Variants in HMGB1 observed in about 807,000 individuals in gnomAD.
HMGB1 encodes the protein high mobility group protein B1.
For missense variants in HMGB1, 79 were observed against 253.5 expected, an observed-to-expected ratio of 0.31 and a Z score of 4.67; for synonymous variants, 81 against 84.0, an observed-to-expected ratio of 0.96 and a Z score of 0.19.
chr13:30,501,909 T>A (rs552820031), intron 1 of HMGB1, among the ~76,000 whole-genome samples: 1 of 152,228 alleles, frequency 6.6e-6, no homozygotes, highest in Non-Finnish European at 1.5e-5. Flanking sequence ...CAACACCTCA[T>A]TTTCTCATAT....
chr13:30,468,380 G>A (rs906318939), upstream of HMGB1, among the ~76,000 whole-genome samples: 5 of 152,064 alleles, frequency 3.3e-5, no homozygotes, highest in African/African-American at 7.2e-5. Flanking sequence ...TCAGCCTCCC[G>A]AGTAGCTGGG....
chr13:30,535,628 G>A (rs768901630), intron 1 of HMGB1, among the ~76,000 whole-genome samples: 6 of 152,274 alleles, frequency 3.9e-5, no homozygotes, highest in East Asian at 1.9e-4. Flanking sequence ...AGGGACTCAC[G>A]CCTGTAATCC....
chr13:30,527,042 C>G (rs916135002), intron 1 of HMGB1, among the ~76,000 whole-genome samples: 2 of 152,218 alleles, frequency 1.3e-5, no homozygotes, highest in Non-Finnish European at 2.9e-5. Context: ...CCGGAGGGGC[C>G]GAGCCCGCCT....
chr13:30,463,709 A>G lies in HMGB1; in HGVS notation c.-14-15T>C, dbSNP rs1243839865. On this transcript the variant is annotated splice_polypyrimidine_tract_variant and intron_variant, in intron 1 of 4. Coordinates refer to ENST00000341423, the MANE Select transcript of HMGB1 (RefSeq NM_002128.7). ...TAGTTATTTTTCTAAAAAATAAAAT[A>G]AATATTTGATGTTAGCAATAAAATT... 1 of 1,491,810 alleles carries G rather than the reference A, an allele frequency of 6.7e-7. No homozygotes were observed. Among genetic ancestry groups the G allele is most frequent in the South Asian group, 1.2e-5 (1 of 82,022 alleles). 92.4% of individuals were successfully genotyped at this position (1,491,810 alleles called of 1,614,324 possible). A position where few individuals can be genotyped will look rare whatever the true frequency, so the allele number is the denominator to read the frequency against.
intron 1 of HMGB1, among the ~76,000 whole-genome samples, chr13:30,599,284 C>T (rs780491213): frequency 6.6e-6 from 1 of 152,064 alleles, no homozygotes; most frequent in Non-Finnish European, 1.5e-5. Context: ...GTCTGACCAA[C>T]ATGGAGAAAC....
Position 30,556,298 on chromosome 13 carries a change from G to T in HMGB1, c.-15+60373C>A, listed in dbSNP as rs1017045873. On this transcript the variant is annotated intron_variant, in intron 1 of 4. Coordinates refer to the HMGB1 transcript ENST00000405805. ...TGAGCAACTGTAATCCCAGCTACTC[G>T]AGAGCTGAGGCAGGAGAATTGCTTG... Among the ~76,000 whole-genome samples, 2 of 152,150 alleles carry T rather than the reference G, an allele frequency of 1.3e-5. 1 individual carries two copies. Among genetic ancestry groups the T allele is most frequent in the South Asian group, 4.1e-4 (2 of 4,838 alleles).
intron 1 of HMGB1, among the ~76,000 whole-genome samples, chr13:30,565,061 C>T (rs553062799): frequency 4.1e-4 from 63 of 152,222 alleles, no homozygotes; most frequent in African/African-American, 1.4e-3. Flanking sequence ...TTATTAACCC[C>T]GTTTTAGAGA....
intron 1 of HMGB1, among the ~76,000 whole-genome samples, chr13:30,597,255 C>A (rs1871656030): frequency 6.6e-6 from 1 of 152,066 alleles, no homozygotes; most frequent in East Asian, 1.9e-4. Flanking sequence ...CAGATACACA[C>A]AAACAAGGAG....
chr13:30,555,550 G>A (rs1020707152), intron 1 of HMGB1, among the ~76,000 whole-genome samples: 1 of 152,062 alleles, frequency 6.6e-6, no homozygotes, highest in South Asian at 2.1e-4. Context: ...ACTAGATTTT[G>A]TGACTATTAG....
chr13:30,525,847 A>C (rs1888351717), intron 1 of HMGB1, among the ~76,000 whole-genome samples: 1 of 87,112 alleles, frequency 1.1e-5, no homozygotes, highest in African/African-American at 3.4e-5. Context: ...ACAATTCAAG[A>C]TGAGATTGTG....
intron 1 of HMGB1, among the ~76,000 whole-genome samples, chr13:30,544,309 A>T (rs1300717287): frequency 6.6e-6 from 1 of 152,204 alleles, no homozygotes; most frequent in African/African-American, 2.4e-5. Flanking sequence ...CGGCCAGACC[A>T]ATAAGGGTAT....
intron 1 of HMGB1, among the ~76,000 whole-genome samples, chr13:30,612,144 G>A (rs1436406153): frequency 6.6e-6 from 1 of 151,420 alleles, no homozygotes; most frequent in Non-Finnish European, 1.5e-5. Context: ...AAATATATGT[G>A]TATGTGTGTG....
intron 1 of HMGB1, among the ~76,000 whole-genome samples, chr13:30,517,029 T>C (rs953121640): frequency 1.3e-4 from 20 of 152,200 alleles, no homozygotes; most frequent in African/African-American, 4.3e-4. Context: ...GTATTTCGAA[T>C]GTGAAGAAAT....
intron 2 of HMGB1, 65 bp downstream of exon 2, chr13:30,463,466 T>A: frequency 6.4e-7 from 1 of 1,560,014 alleles, no homozygotes; most frequent in Non-Finnish European, 8.7e-7. Flanking sequence ...ACTAGGCTTT[T>A]TTTTGCATCC....
At chr13:30,610,779 C>A (rs1950506294) in intron 1 of HMGB1, among the ~76,000 whole-genome samples, 2 of 150,704 alleles carry the variant, frequency 1.3e-5, no homozygotes, top group African/African-American at 4.9e-5. Flanking sequence ...TATTGCTTAG[C>A]AAAACAGAGG....
At chr13:30,480,501 CAGG>C (rs1887202517) in intron 1 of HMGB1, among the ~76,000 whole-genome samples, 1 of 152,230 alleles carries the variant, frequency 6.6e-6, no homozygotes, top group Non-Finnish European at 1.5e-5. Flanking sequence ...GCTGGAACTA[CAGG>C]AGACCACTGC....
At chr13:30,553,315 C>T (rs192209954) in intron 1 of HMGB1, among the ~76,000 whole-genome samples, 260 of 152,244 alleles carry the variant, frequency 1.7e-3, no homozygotes, top group African/African-American at 5.8e-3. Flanking sequence ...GCTTTGCTTT[C>T]GGGAGAGCCC....
intron 1 of HMGB1, among the ~76,000 whole-genome samples, chr13:30,487,114 G>T (rs1474801913): frequency 7.2e-5 from 11 of 152,230 alleles, no homozygotes; most frequent in Non-Finnish European, 1.6e-4. Flanking sequence ...GCAGGTGAGT[G>T]TGAGAATGCA....
In HMGB1 at chr13:30,460,543, G is replaced by A. The variant is rs1886256212; in HGVS notation, c.*814C>T. ...TAAAGAATAGAGTCCTCATGTAAAG[G>A]TTAGAACATACTTTTCTATTAGTCC... On this transcript the variant is annotated 3_prime_UTR_variant, in exon 5 of 5. Coordinates refer to ENST00000341423, the MANE Select transcript of HMGB1 (RefSeq NM_002128.7). 6.6e-6 allele frequency: 1 copy of A among 152,212 alleles called. No homozygotes were observed. The highest frequency in any genetic ancestry group is 1.5e-5 in the Non-Finnish European group (1 of 67,916). The allele number at this position is 152,212 out of a possible 1,614,324, so 9.4% of individuals were successfully genotyped here. A position where few individuals can be genotyped will look rare whatever the true frequency, so the allele number is the denominator to read the frequency against.
Sources: gnomAD v4.1 joint callset for allele counts (sites outside exome capture counted in the v4.1 genomes callset) on GRCh38, gnomAD v4.1.1 for gene constraint, MANE v1.5 for transcripts, NCBI Gene and HGNC (gene_info 2026-07-23, HGNC 2026-07-21) for gene names.